Variants in CTNNA2 observed in about 807,000 individuals in gnomAD.
The protein encoded by CTNNA2 is catenin alpha-2.
A neutral mutation model predicts 101.0 loss-of-function variants in CTNNA2; 42 were observed. That is an observed-to-expected ratio of 0.42 (90% CI 0.32 to 0.54). The LOEUF (loss-of-function observed/expected upper bound fraction) is 0.54. Among genes scored for constraint, CTNNA2 ranks in the 20% least tolerant of loss-of-function variants. The pLI is 0.14. For synonymous variants in CTNNA2, 450 were observed against 456.4 expected (o/e 0.99, Z 0.18); for missense variants, 871 against 1,223.1 (o/e 0.71, Z 4.29).
intron 18 of CTNNA2, among the ~76,000 whole-genome samples, chr2:80,639,645 A>AAATC (rs1218617303): frequency 6.6e-6 from 1 of 152,130 alleles, no homozygotes; most frequent in Non-Finnish European, 1.5e-5. Context: ...ACCTGATTTA[A>AAATC]AATCATCCCC....
intron 7 of CTNNA2, among the ~76,000 whole-genome samples, chr2:79,920,533 C>G (rs1161029906): frequency 2.0e-5 from 3 of 152,096 alleles, no homozygotes; most frequent in Non-Finnish European, 4.4e-5. Flanking sequence ...CCTTTCATCC[C>G]CCTCTTCTCC....
At chr2:80,573,120 A>C (rs1694748267) in intron 12 of CTNNA2, 1 of 152,250 alleles carries the variant, frequency 6.6e-6, no homozygotes, top group Non-Finnish European at 1.5e-5. Context: ...AAATAGATGA[A>C]TGATGTTTCT....
At chr2:79,984,105 T>C (rs1224583273) in intron 7 of CTNNA2, among the ~76,000 whole-genome samples, 3 of 152,214 alleles carry the variant, frequency 2.0e-5, no homozygotes, top group Non-Finnish European at 2.9e-5. Flanking sequence ...TTCCCCATAA[T>C]AATTGATTTA....
chr2:80,324,068 T>C (rs1279986191), intron 7 of CTNNA2, among the ~76,000 whole-genome samples: 2 of 152,176 alleles, frequency 1.3e-5, no homozygotes, highest in Non-Finnish European at 2.9e-5. Flanking sequence ...CTCTCTGAAT[T>C]AATCCTCCCC....
intron 7 of CTNNA2, among the ~76,000 whole-genome samples, chr2:80,231,017 G>T (rs575657681): frequency 6.6e-6 from 1 of 152,000 alleles, no homozygotes; most frequent in South Asian, 2.1e-4. Context: ...TGTCGTCCAG[G>T]CTGGAGTGCA....
At chr2:79,288,435 G>A (rs1675687328) in intron 2 of CTNNA2, among the ~76,000 whole-genome samples, 4 of 152,166 alleles carry the variant, frequency 2.6e-5, no homozygotes, top group Admixed American at 1.3e-4. Context: ...ATCTTCGCTT[G>A]GAGTCTCTCA....
intron 9 of CTNNA2, among the ~76,000 whole-genome samples, chr2:80,528,551 G>C (rs533354559): frequency 1.3e-5 from 2 of 152,154 alleles, no homozygotes; most frequent in East Asian, 3.9e-4. Context: ...CTGGCCTGTG[G>C]ACAATGCTCT....
At chr2:79,591,594 A>G (rs982142403) in intron 1 of CTNNA2, among the ~76,000 whole-genome samples, 1 of 152,248 alleles carries the variant, frequency 6.6e-6, no homozygotes, top group African/African-American at 2.4e-5. Context: ...CAACCAAATC[A>G]TACATAGAAA....
Position 79,602,674 on chromosome 2 carries a change from A to G in CTNNA2, c.-5-48878A>G, listed in dbSNP as rs1677623784. ...AGAAAGGTTTCTGGATATTAGGCCAACATATAAAACACAACAGCACCCCTC... is the reference window on the plus strand; with the variant it reads ...AGAAAGGTTTCTGGATATTAGGCCAGCATATAAAACACAACAGCACCCCTC... On this transcript the variant is annotated intron_variant, in intron 1 of 18. Coordinates refer to ENST00000402739, the MANE Select transcript of CTNNA2 (RefSeq NM_001282597.3). 2.6e-5 allele frequency among the ~76,000 whole-genome samples: 4 copies of G among 152,188 alleles called. No individual in the cohort carries two copies. In the South Asian group the frequency reaches 8.3e-4, roughly 32 times the overall value.
At chr2:79,240,864 C>T (rs557740967) in intron 2 of CTNNA2, among the ~76,000 whole-genome samples, 33 of 152,212 alleles carry the variant, frequency 2.2e-4, no homozygotes, top group African/African-American at 7.9e-4. Context: ...TGGGCCTTTA[C>T]ATTTTGGGAT....
Position 80,320,557 on chromosome 2 carries a change from C to T in CTNNA2, c.1057-72654C>T, listed in dbSNP as rs1678581742. The stretch of plus-strand genomic sequence containing the variant: ...CCGATGATTGCCATGTGGAGAAACC[C>T]TTACTTTCATTTCTTGTTAAATATC... On this transcript the variant is annotated intron_variant, in intron 7 of 18. Coordinates refer to ENST00000402739, the MANE Select transcript of CTNNA2 (RefSeq NM_001282597.3). Among the ~76,000 whole-genome samples, 3 of 152,152 alleles carry T rather than the reference C, an allele frequency of 2.0e-5. No individual in the cohort carries two copies. The South Asian group carries it at 6.2e-4, about 32-fold the overall frequency.
intron 4 of CTNNA2, among the ~76,000 whole-genome samples, chr2:79,412,628 C>T (rs1573154118): frequency 6.6e-6 from 1 of 152,088 alleles, no homozygotes; most frequent in African/African-American, 2.4e-5. Context: ...AACTGAACAA[C>T]CTGCTCCTGA....
At chr2:80,057,175 G>T (rs10202382) in intron 7 of CTNNA2, among the ~76,000 whole-genome samples, 55,863 of 142,146 alleles carry the variant, frequency 0.39, 10,822 homozygotes, top group South Asian at 0.45. Context: ...TATATAAGTT[G>T]TTTTTTTTTT....
intron 9 of CTNNA2, among the ~76,000 whole-genome samples, chr2:80,498,376 C>A (rs1160100151): frequency 6.6e-6 from 1 of 152,194 alleles, no homozygotes; most frequent in African/African-American, 2.4e-5. Context: ...TTGTTTCACA[C>A]TTCTTTTATG....
At chr2:80,433,950 G>T (rs1681785565) in intron 9 of CTNNA2, among the ~76,000 whole-genome samples, 1 of 152,202 alleles carries the variant, frequency 6.6e-6, no homozygotes, top group South Asian at 2.1e-4. Flanking sequence ...CTTTTCTCAA[G>T]ATGAAAACAA....
chr2:80,434,270 T>C (rs1279065343), intron 9 of CTNNA2, among the ~76,000 whole-genome samples: 4 of 152,204 alleles, frequency 2.6e-5, no homozygotes. Context: ...TTTCTACTTA[T>C]CGCTTCTACA....
At chr2:79,379,665 T>G (rs759107048) in intron 4 of CTNNA2, among the ~76,000 whole-genome samples, 3 of 152,202 alleles carry the variant, frequency 2.0e-5, no homozygotes, top group Non-Finnish European at 4.4e-5. Flanking sequence ...TTACTTGAGC[T>G]AAACACCTTG....
intron 7 of CTNNA2, among the ~76,000 whole-genome samples, chr2:80,167,857 T>C (rs1034212196): frequency 6.6e-6 from 1 of 152,218 alleles, no homozygotes; most frequent in African/African-American, 2.4e-5. Context: ...TACGTGATTG[T>C]AACTGGAATT....
chr2:80,299,131 G>A (rs561920084), intron 7 of CTNNA2: 5 of 152,204 alleles, frequency 3.3e-5, no homozygotes, highest in African/African-American at 4.8e-5. Context: ...GTGGCCTTAA[G>A]TTCTTTTCAG....
Sources: allele counts gnomAD v4.1 joint callset (sites outside exome capture counted in the v4.1 genomes callset), GRCh38; gene constraint gnomAD v4.1.1; transcripts MANE v1.5; gene names NCBI Gene and HGNC (gene_info 2026-07-23, HGNC 2026-07-21).